Variants in SAE1 observed in about 807,000 individuals in gnomAD.
SAE1 encodes SUMO-activating enzyme subunit 1.
SAE1 carries 11 observed loss-of-function variants against 40.6 expected under a neutral mutation model. The ratio of observed to expected loss-of-function variants is 0.27; its 90% confidence interval spans 0.17 to 0.45. The LOEUF is 0.45. Among genes scored for constraint, SAE1 ranks in the 20% least tolerant of loss-of-function variants. The probability of loss-of-function intolerance (pLI) is 1.00; values close to 1 mark genes in which losing one functional copy is unlikely to be tolerated. For missense variants in SAE1, 373 were observed against 427.3 expected (o/e 0.87, Z 1.12); for synonymous variants, 155 against 154.3 (o/e 1.00, Z -0.03).
intron 6 of SAE1, among the ~76,000 whole-genome samples, chr19:47,186,653 C>G (rs752653336): frequency 1.3e-5 from 2 of 152,124 alleles, no homozygotes; most frequent in Non-Finnish European, 2.9e-5. Context: ...TCCCCATCAA[C>G]AACTTTCATC....
intron 2 of SAE1, among the ~76,000 whole-genome samples, chr19:47,149,872 T>A (rs1285231321): frequency 4.0e-5 from 6 of 151,746 alleles, no homozygotes; most frequent in Admixed American, 3.9e-4. Flanking sequence ...GGTCAAGAGA[T>A]TGAGACCATC....
Position 47,209,276 on chromosome 19 carries a change from A to T in SAE1, c.*25A>T. The T allele has an allele frequency of 6.8e-6, 11 of 1,614,068 alleles. No homozygotes were observed. Among genetic ancestry groups the T allele is most frequent in the Non-Finnish European group, 9.3e-6 (11 of 1,179,966 alleles). On this transcript the variant is annotated 3_prime_UTR_variant, in exon 9 of 9. Coordinates refer to ENST00000270225, the MANE Select transcript of SAE1 (RefSeq NM_005500.3). ...AACTCAAGATTTGGCAGCCCCAGAG[A>T]TGCCAACTGCAGCATGCCCACCTGT...
At chr19:47,188,947 C>A (rs1391044106) in intron 6 of SAE1, among the ~76,000 whole-genome samples, 1 of 152,212 alleles carries the variant, frequency 6.6e-6, no homozygotes, top group Non-Finnish European at 1.5e-5. Context: ...GAGGCTCTCT[C>A]AAAGCCCCTT....
At position 47,169,404 on chromosome 19, in the gene SAE1, C is replaced by G. The variant is rs563388266; in HGVS notation, c.628-414C>G. On this transcript the variant is annotated intron_variant, in intron 5 of 8. Transcript: ENST00000270225. ...GGGACTACAGGCGGCCGCCAGCATGCCTAGCTAATTTTTGTATATTTGTAG... is the reference window on the plus strand; with the variant it reads ...GGGACTACAGGCGGCCGCCAGCATGGCTAGCTAATTTTTGTATATTTGTAG... Among the ~76,000 whole-genome samples, 58 of 152,206 alleles carry G rather than the reference C, an allele frequency of 3.8e-4. No homozygotes were observed. In the Middle Eastern group the frequency reaches 0.024, roughly 62 times the overall value.
chr19:47,148,703 C>T (rs2058269092), intron 2 of SAE1, among the ~76,000 whole-genome samples: 1 of 151,550 alleles, frequency 6.6e-6, no homozygotes, highest in Non-Finnish European at 1.5e-5. Context: ...CAGCGTCTGC[C>T]TCCCAGGTTC....
At position 47,164,516 on chromosome 19, in the gene SAE1, G is replaced by T. The variant is rs553239457; in HGVS notation, c.628-5302G>T. On this transcript the variant is annotated intron_variant, in intron 5 of 8. Coordinates refer to ENST00000270225, the MANE Select transcript of SAE1 (RefSeq NM_005500.3). ...GTGTCATTTTTCCTCTTCTTGCCTAGCCATAATCTATTTTACCAGTCACCT... is the reference window on the plus strand; with the variant it reads ...GTGTCATTTTTCCTCTTCTTGCCTATCCATAATCTATTTTACCAGTCACCT... 2.6e-5 allele frequency among the ~76,000 whole-genome samples: 4 copies of T among 152,040 alleles called. No homozygotes were observed. The South Asian group carries it at 8.3e-4, about 32-fold the overall frequency.
chr19:47,158,826 G>A (rs1273846194), intron 5 of SAE1, among the ~76,000 whole-genome samples: 2 of 152,216 alleles, frequency 1.3e-5, no homozygotes, highest in East Asian at 1.9e-4. Context: ...AAGAAGGGGC[G>A]AGAGCATAGA....
At chr19:47,146,077 G>GC (rs1171918876) in intron 2 of SAE1, among the ~76,000 whole-genome samples, 6 of 152,072 alleles carry the variant, frequency 3.9e-5, no homozygotes, top group Non-Finnish European at 5.9e-5. Context: ...TGTGTTTTAG[G>GC]CAGGGGACAT....
intron 5 of SAE1, among the ~76,000 whole-genome samples, chr19:47,164,621 G>A (rs1455819416): frequency 6.8e-6 from 1 of 148,124 alleles, no homozygotes; most frequent in Non-Finnish European, 1.5e-5. Context: ...TGGTTGATGG[G>A]CTATGTGGAG....
chr19:47,187,859 C>T (rs1460069311), intron 6 of SAE1, among the ~76,000 whole-genome samples: 1 of 152,172 alleles, frequency 6.6e-6, no homozygotes, highest in African/African-American at 2.4e-5. Flanking sequence ...GTCATGAGCC[C>T]TTCTCCCCTA....
intron 5 of SAE1, among the ~76,000 whole-genome samples, chr19:47,163,960 G>A (rs1270474881): frequency 1.3e-5 from 2 of 151,862 alleles, no homozygotes; most frequent in Non-Finnish European, 2.9e-5. Context: ...AGTAGAGGGC[G>A]TTTTCACCTT....
chr19:47,190,528 A>G (rs1346305271), intron 6 of SAE1, among the ~76,000 whole-genome samples: 2 of 152,118 alleles, frequency 1.3e-5, no homozygotes, highest in Non-Finnish European at 2.9e-5. Context: ...GTGAAAAAAG[A>G]CAGCTTCTGT....
At chr19:47,140,485 C>T (rs2058214408) in intron 1 of SAE1, among the ~76,000 whole-genome samples, 1 of 152,034 alleles carries the variant, frequency 6.6e-6, no homozygotes, top group African/African-American at 2.4e-5. Flanking sequence ...CTCCTGACTT[C>T]AGGTGATCTA....
intron 6 of SAE1, among the ~76,000 whole-genome samples, chr19:47,196,044 CTTTTTTT>C (rs778913288): frequency 7.7e-6 from 1 of 129,946 alleles, no homozygotes. Context: ...TCTTCCGGGT[CTTTTTTT>C]TTTTTTTTTT....
At chr19:47,153,891 A>C (rs940053848) in intron 4 of SAE1, among the ~76,000 whole-genome samples, 1 of 151,822 alleles carries the variant, frequency 6.6e-6, no homozygotes, top group Non-Finnish European at 1.5e-5. Context: ...TCCTGGGTTC[A>C]AGCCATTCTC....
intron 6 of SAE1, among the ~76,000 whole-genome samples, chr19:47,183,149 C>T (rs537728115): frequency 6.6e-6 from 1 of 152,236 alleles, no homozygotes; most frequent in East Asian, 1.9e-4. Flanking sequence ...CTCTTGACCT[C>T]AGGTGATCCA....
chr19:47,190,250 C>T (rs1037871788), intron 6 of SAE1, among the ~76,000 whole-genome samples: 1 of 152,138 alleles, frequency 6.6e-6, no homozygotes, highest in African/African-American at 2.4e-5. Flanking sequence ...TGGTAGAGCA[C>T]CTCTCTATCC....
intron 5 of SAE1, 55 bp downstream of exon 5, chr19:47,155,268 G>T: frequency 8.2e-7 from 1 of 1,214,330 alleles, no homozygotes; most frequent in South Asian, 1.2e-5. Flanking sequence ...GAGGGGTCAG[G>T]CAATGACGAT....
At position 47,187,839 on chromosome 19, in the gene SAE1, GTGTCACTT is replaced by G. The variant is rs1391133348; in HGVS notation, c.734-9388_734-9381del. ...ACCCGGCCTCTGGATTGCCCGGCCT[GTGTCACTT>G]TGTCATGAGCCCTTCTCCCCTAGTT... is the stretch of plus-strand genomic sequence containing the variant. On this transcript the variant is annotated intron_variant, in intron 6 of 8. Coordinates refer to ENST00000270225, the MANE Select transcript of SAE1 (RefSeq NM_005500.3). 2.0e-5 allele frequency among the ~76,000 whole-genome samples: 3 copies of G among 152,158 alleles called. 1 individual carries two copies. Among genetic ancestry groups the G allele is most frequent in the Non-Finnish European group, 4.4e-5 (3 of 68,036 alleles).
Sources: gnomAD v4.1 joint callset for allele counts (sites outside exome capture counted in the v4.1 genomes callset) on GRCh38, gnomAD v4.1.1 for gene constraint, MANE v1.5 for transcripts, NCBI Gene and HGNC (gene_info 2026-07-23, HGNC 2026-07-21) for gene names.